The following AGAP1 variants were observed in gnomAD, a reference collection of about 807,000 sequenced individuals.
AGAP1 encodes ArfGAP with GTPase domain, ankyrin repeat and PH domain 1, also known as arf-GAP with GTPase, ANK repeat and PH domain-containing protein 1.
Under a neutral mutation model 105.3 loss-of-function variants are expected in AGAP1, and 29 were observed. The observed-to-expected ratio is 0.28, with a 90% CI of 0.21 to 0.38. AGAP1 has a LOEUF of 0.38. AGAP1 is among the 10% of genes least tolerant of loss of function. The pLI, the probability that AGAP1 is intolerant of heterozygous loss-of-function variation, is 1.00. For missense variants in AGAP1, 998 were observed against 1,165.1 expected (o/e 0.86, Z 2.09); for synonymous variants, 509 against 485.9 (o/e 1.05, Z -0.63).
At chr2:235,863,687 G>T (rs896803556) in intron 9 of AGAP1, among the ~76,000 whole-genome samples, 2 of 152,256 alleles carry the variant, frequency 1.3e-5, no homozygotes, top group Non-Finnish European at 2.9e-5. Flanking sequence ...CTAACTACGG[G>T]TCGCTGGCCA....
In AGAP1 at chr2:235,728,326, T is replaced by TGTGTGTGTGTGTGTGTGTGCGTGC. The variant is rs986896995; in HGVS notation, c.310+10683_310+10684insTGTGTGTGTGTGTGTGTGCGTGCG. Among the ~76,000 whole-genome samples the TGTGTGTGTGTGTGTGTGTGCGTGC allele has an allele frequency of 4.6e-5, 7 of 151,628 alleles. No homozygotes were observed. Among genetic ancestry groups the TGTGTGTGTGTGTGTGTGTGCGTGC allele is most frequent in the African/African-American group, 1.7e-4 (7 of 41,084 alleles). On this transcript the variant is annotated intron_variant, in intron 3 of 17. Transcript: ENST00000304032. The surrounding 1 kb of genome is among the most constrained non-coding windows in gnomAD (Gnocchi z 4.3). ...CTGTGTGTGTGTGTGTGTGTGTGTG[T>TGTGTGTGTGTGTGTGTGTGCGTGC]GCGTGCTCTTAAATCAATGTAAATT... is the stretch of plus-strand genomic sequence containing the variant.
intron 9 of AGAP1, among the ~76,000 whole-genome samples, chr2:235,814,036 G>A (rs1182200328): frequency 6.6e-6 from 1 of 152,214 alleles, no homozygotes; most frequent in Admixed American, 6.5e-5. Context: ...TTCTGCCGGT[G>A]TGCTTCTCTC....
chr2:235,930,734 G>T lies in AGAP1; in HGVS notation c.1325-31G>T. The stretch of plus-strand genomic sequence containing the variant: ...CTGGTTTCTGTGGTCTGCAGTCCGC[G>T]GTGGTGTTCACCTGACTTGTTTATT... On this transcript the variant is annotated intron_variant, in intron 11 of 17. Coordinates refer to ENST00000304032, the MANE Select transcript of AGAP1 (RefSeq NM_001037131.3). This position sits in a 1 kb window ranked among gnomAD's most constrained non-coding sequence, Gnocchi z 7.9. 1 of 1,607,028 alleles carries T rather than the reference G, an allele frequency of 6.2e-7. No homozygotes were observed.
chr2:235,770,133 C>CTTTTTTTTTTTTTTTT (rs57008190), intron 6 of AGAP1, among the ~76,000 whole-genome samples: 22 of 136,666 alleles, frequency 1.6e-4, no homozygotes, highest in East Asian at 6.6e-4. Context: ...TTCTTTGTTT[C>CTTTTTTTTTTTTTTTT]TTTTTTTTTT....
chr2:235,811,905 C>T (rs553182069), intron 9 of AGAP1, among the ~76,000 whole-genome samples: 36 of 152,184 alleles, frequency 2.4e-4, no homozygotes, highest in Non-Finnish European at 3.4e-4. Flanking sequence ...TTTGAGAGAA[C>T]CAGGTCTCTG....
intron 1 of AGAP1, among the ~76,000 whole-genome samples, chr2:235,527,668 G>A (rs765560469): frequency 1.3e-5 from 2 of 152,172 alleles, no homozygotes; most frequent in Non-Finnish European, 2.9e-5. Context: ...AATTACCGTA[G>A]TGAGCTGCCG....
Position 235,744,807 on chromosome 2 carries a change from G to A in AGAP1, c.506G>A (p.Ser169Asn), listed in dbSNP as rs766087479. 2.4e-5 allele frequency: 38 copies of A among 1,613,936 alleles called. No homozygotes were observed. The highest frequency in any genetic ancestry group is 3.1e-5 in the Non-Finnish European group (36 of 1,180,032). ...YSRMANYRNT[S>N]EIPLVLVGTQ... is the part of the protein sequence containing the mutation. ...CGAATGGCCAACTATCGGAACACGAGCGAGATTCCTCTGGTTCTGGTGGGA... is the reference window on the plus strand; with the variant it reads ...CGAATGGCCAACTATCGGAACACGAACGAGATTCCTCTGGTTCTGGTGGGA... Residue 169 changes from serine to asparagine, a missense_variant, in exon 5 of 18, where the codon AGC (serine) becomes AAC (asparagine). Coordinates refer to ENST00000304032, the MANE Select transcript of AGAP1 (RefSeq NM_001037131.3). The surrounding 1 kb of genome is among the most constrained non-coding windows in gnomAD (Gnocchi z 5.2).
In AGAP1 at chr2:235,691,287, G is replaced by A. The variant is rs1211273365; in HGVS notation, c.164-17892G>A. ...CCCAGGACTGTCATATCCAGGGAAA[G>A]GTCACTCTCTGGCAGTGGATGCTAC... On this transcript the variant is annotated intron_variant, in intron 1 of 17. Transcript: ENST00000304032. The surrounding 1 kb of genome is among the most constrained non-coding windows in gnomAD (Gnocchi z 4.4). Among the ~76,000 whole-genome samples, 3 of 152,208 alleles carry A rather than the reference G, an allele frequency of 2.0e-5. No individual in the cohort carries two copies. The highest frequency in any genetic ancestry group is 4.8e-5 in the African/African-American group (2 of 41,454).
chr2:235,692,861 T>A lies in AGAP1; in HGVS notation c.164-16318T>A, dbSNP rs1039372614. On this transcript the variant is annotated intron_variant, in intron 1 of 17. Coordinates refer to ENST00000304032, the MANE Select transcript of AGAP1 (RefSeq NM_001037131.3). This position sits in a 1 kb window ranked among gnomAD's most constrained non-coding sequence, Gnocchi z 5.8. ...CTTGGTGTGCGTATCTCCCTTGATG[T>A]GGCACTGCCTGGCTCCGGAGATAGC... is the stretch of plus-strand genomic sequence containing the variant. Among the ~76,000 whole-genome samples the A allele has an allele frequency of 3.3e-5, 5 of 152,024 alleles. No individual in the cohort carries two copies. Among genetic ancestry groups the A allele is most frequent in the African/African-American group, 9.7e-5 (4 of 41,386 alleles).
chr2:235,669,780 C>T (rs1948274297), intron 1 of AGAP1: 1 of 147,932 alleles, frequency 6.8e-6, no homozygotes. Context: ...ACAATGAAGC[C>T]GCGGGCGCCG....
chr2:235,818,162 C>A (rs1958570424), intron 9 of AGAP1, among the ~76,000 whole-genome samples: 2 of 152,194 alleles, frequency 1.3e-5, no homozygotes, highest in African/African-American at 4.8e-5. Context: ...AGAATGCTGG[C>A]AGTTACATGC....
chr2:235,762,020 A>G (rs1217226657), intron 6 of AGAP1, among the ~76,000 whole-genome samples: 1 of 151,654 alleles, frequency 6.6e-6, no homozygotes, highest in African/African-American at 2.4e-5. Context: ...GAGGCAGGAG[A>G]ATCGATTGAA....
In AGAP1 at chr2:236,058,169, T is replaced by C. The variant is rs2125744267; in HGVS notation, c.2114+8888T>C. 6.6e-6 allele frequency among the ~76,000 whole-genome samples: 1 copy of C among 152,344 alleles called. No individual in the cohort carries two copies. The highest frequency in any genetic ancestry group is 2.1e-4 in the South Asian group (1 of 4,828). On this transcript the variant is annotated intron_variant, in intron 16 of 17. Transcript: ENST00000304032. The surrounding 1 kb of genome is among the most constrained non-coding windows in gnomAD (Gnocchi z 4.6). Reference sequence around the variant, plus strand: ...ATGCACATTAAAGTTTGAGACACTCTGGTCTGCACTAAGTAGTAAAAATAA... The same window carrying C: ...ATGCACATTAAAGTTTGAGACACTCCGGTCTGCACTAAGTAGTAAAAATAA...
chr2:235,674,554 C>CTTATTACAGTAAGAGG (rs1948621055), intron 1 of AGAP1, among the ~76,000 whole-genome samples: 1 of 152,172 alleles, frequency 6.6e-6, no homozygotes, highest in African/African-American at 2.4e-5. Flanking sequence ...TAAAGTGATT[C>CTTATTACAGTAAGAGG]ATTGATACCT....
chr2:235,849,723 T>A (rs1282178039), intron 9 of AGAP1, among the ~76,000 whole-genome samples: 1 of 152,148 alleles, frequency 6.6e-6, no homozygotes, highest in African/African-American at 2.4e-5. Context: ...CCCTTCTCCC[T>A]TCCTCATGGC....
At position 235,963,987 on chromosome 2, in the gene AGAP1, T is replaced by G. The variant is rs567908195; in HGVS notation, c.1484-4475T>G. Among the ~76,000 whole-genome samples, 44 of 152,294 alleles carry G rather than the reference T, an allele frequency of 2.9e-4. No individual in the cohort carries two copies. Among genetic ancestry groups the G allele is most frequent in the South Asian group, 1.4e-3 (7 of 4,828 alleles). ...CTGGATAACGGAAGAGAGTTTATGATATAATGCACCTACTGTAGGCTCAGC... is the reference window on the plus strand; with the variant it reads ...CTGGATAACGGAAGAGAGTTTATGAGATAATGCACCTACTGTAGGCTCAGC... On this transcript the variant is annotated intron_variant, in intron 12 of 17. Transcript: ENST00000304032. The surrounding 1 kb of genome is among the most constrained non-coding windows in gnomAD (Gnocchi z 5.1).
chr2:235,585,461 C>T (rs1228546108), intron 1 of AGAP1, among the ~76,000 whole-genome samples: 1 of 152,200 alleles, frequency 6.6e-6, no homozygotes, highest in East Asian at 1.9e-4. Flanking sequence ...TTCACCTCTT[C>T]ACATGCACAC....
At chr2:235,768,156 T>C (rs1955129065) in intron 6 of AGAP1, among the ~76,000 whole-genome samples, 1 of 152,210 alleles carries the variant, frequency 6.6e-6, no homozygotes, top group Admixed American at 6.5e-5. Context: ...ATAGAGGGCT[T>C]CTCCCTACCA....
In AGAP1 at chr2:235,744,390, G is replaced by A. The variant is rs1158027564; in HGVS notation, c.397-308G>A. 1.3e-5 allele frequency among the ~76,000 whole-genome samples: 2 copies of A among 152,190 alleles called. No homozygotes were observed. Among genetic ancestry groups the A allele is most frequent in the Middle Eastern group, 3.2e-3 (1 of 314 alleles). ...GGCCGCCTTGGCAGGTCGGGGCAGC[G>A]GGCGGACAGGCCAGGAGCATGAGGA... On this transcript the variant is annotated intron_variant, in intron 4 of 17. Coordinates refer to ENST00000304032, the MANE Select transcript of AGAP1 (RefSeq NM_001037131.3). This position sits in a 1 kb window ranked among gnomAD's most constrained non-coding sequence, Gnocchi z 5.2.
Sources: gnomAD v4.1 joint callset for allele counts (sites outside exome capture counted in the v4.1 genomes callset) on GRCh38, gnomAD v4.1.1 for gene constraint, Gnocchi (gnomAD v3.1) non-coding constraint, MANE v1.5 for transcripts, NCBI Gene and HGNC (gene_info 2026-07-23, HGNC 2026-07-21) for gene names.